The following KIAA0825 variants were observed in gnomAD, a reference collection of about 807,000 sequenced individuals.
KIAA0825 encodes the protein uncharacterized protein KIAA0825.
Under a neutral mutation model 147.6 loss-of-function variants are expected in KIAA0825, and 119 were observed. The observed-to-expected ratio is 0.81, with a 90% CI of 0.69 to 0.94. The LOEUF (loss-of-function observed/expected upper bound fraction) is 0.94. KIAA0825 is among the 40% of genes least tolerant of loss of function. The probability of loss-of-function intolerance (pLI) is 0.00; values close to 1 mark genes in which losing one functional copy is unlikely to be tolerated. For synonymous variants in KIAA0825, 470 were observed against 518.1 expected, an observed-to-expected ratio of 0.91 and a Z score of 1.26; for missense variants, 1,381 against 1,472.7, an observed-to-expected ratio of 0.94 and a Z score of 1.02.
At chr5:94,582,196 C>T (rs1281275193) in intron 2 of KIAA0825, among the ~76,000 whole-genome samples, 3 of 152,084 alleles carry the variant, frequency 2.0e-5, no homozygotes, top group African/African-American at 2.4e-5. Flanking sequence ...AGAGAGATGC[C>T]GGTGGCCCTG....
intron 2 of KIAA0825, among the ~76,000 whole-genome samples, chr5:94,538,847 A>C (rs1772677575): frequency 6.6e-6 from 1 of 152,190 alleles, no homozygotes; most frequent in Non-Finnish European, 1.5e-5. Flanking sequence ...AGGATTTGTG[A>C]ACAGAAGCAA....
intron 20 of KIAA0825, among the ~76,000 whole-genome samples, chr5:94,271,806 A>T (rs1056412548): frequency 6.6e-6 from 1 of 151,786 alleles, no homozygotes; most frequent in Non-Finnish European, 1.5e-5. Context: ...CAACAATCCC[A>T]CTCCAAGGTA....
chr5:94,315,051 A>G (rs1047513595), intron 20 of KIAA0825, among the ~76,000 whole-genome samples: 1 of 151,678 alleles, frequency 6.6e-6, no homozygotes, highest in South Asian at 2.1e-4. Flanking sequence ...CTCTTGAAAA[A>G]TATTTTTATT....
chr5:94,425,373 A>G (rs1339284510), intron 14 of KIAA0825, among the ~76,000 whole-genome samples: 1 of 152,246 alleles, frequency 6.6e-6, no homozygotes. Context: ...AGCAGAATGA[A>G]GAAGAAAAAC....
chr5:94,198,902 T>C (rs1771397998), intron 20 of KIAA0825, among the ~76,000 whole-genome samples: 1 of 152,236 alleles, frequency 6.6e-6, no homozygotes, highest in Non-Finnish European at 1.5e-5. Flanking sequence ...TTCCAGAAGT[T>C]CAATTTGGTT....
intron 5 of KIAA0825, among the ~76,000 whole-genome samples, chr5:94,515,277 G>A: frequency 6.6e-6 from 1 of 152,222 alleles, no homozygotes; most frequent in East Asian, 1.9e-4. Context: ...ATAGTAAAAT[G>A]TTACAATATA....
At chr5:94,384,736 C>T (rs149413650) in intron 19 of KIAA0825, among the ~76,000 whole-genome samples, 244 of 152,122 alleles carry the variant, frequency 1.6e-3, no homozygotes, top group African/African-American at 5.5e-3. Context: ...TGGCATTTGC[C>T]CAGCAAGTTT....
intron 12 of KIAA0825, 70 bp downstream of exon 12, chr5:94,462,317 T>C: frequency 1.3e-6 from 1 of 793,898 alleles, no homozygotes. Flanking sequence ...ATTCCATAAG[T>C]GTTATGAAAA....
intron 20 of KIAA0825, among the ~76,000 whole-genome samples, chr5:94,381,325 G>A (rs1367481242): frequency 1.3e-5 from 2 of 152,136 alleles, no homozygotes; most frequent in East Asian, 3.9e-4. Flanking sequence ...CTCTGTGTCT[G>A]TGGGTTCTGC....
chr5:94,395,800 A>AATTTC (rs1348215350), intron 17 of KIAA0825, among the ~76,000 whole-genome samples: 2 of 152,136 alleles, frequency 1.3e-5, no homozygotes, highest in Non-Finnish European at 2.9e-5. Flanking sequence ...GCACACTGAA[A>AATTTC]AGGGGTGAAA....
chr5:94,367,929 A>C (rs1020836956), intron 20 of KIAA0825, among the ~76,000 whole-genome samples: 1 of 152,264 alleles, frequency 6.6e-6, no homozygotes, highest in Non-Finnish European at 1.5e-5. Flanking sequence ...ACAGGAATAG[A>C]GAAATGATTA....
chr5:94,589,587 T>G (rs1267032582), intron 1 of KIAA0825, among the ~76,000 whole-genome samples: 1 of 152,162 alleles, frequency 6.6e-6, no homozygotes, highest in Admixed American at 6.6e-5. Flanking sequence ...AAAATAACGC[T>G]CTATTACTTT....
intron 20 of KIAA0825, among the ~76,000 whole-genome samples, chr5:94,381,001 T>C (rs1231648575): frequency 6.6e-6 from 1 of 152,220 alleles, no homozygotes; most frequent in Non-Finnish European, 1.5e-5. Context: ...CTTTCATGTG[T>C]CTGAGCGGTC....
chr5:94,512,041 ATGC>A (rs1276151048), intron 5 of KIAA0825, among the ~76,000 whole-genome samples: 1 of 152,072 alleles, frequency 6.6e-6, no homozygotes, highest in Admixed American at 6.5e-5. Flanking sequence ...TATAAATGTG[ATGC>A]TGATGGTAGA....
At chr5:94,330,081 G>A (rs1781114336) in intron 20 of KIAA0825, among the ~76,000 whole-genome samples, 1 of 152,114 alleles carries the variant, frequency 6.6e-6, no homozygotes, top group South Asian at 2.1e-4. Context: ...TCAGTATCCT[G>A]ATTTGATCAC....
At chr5:94,265,149 A>G (rs1413766250) in intron 20 of KIAA0825, among the ~76,000 whole-genome samples, 1 of 152,202 alleles carries the variant, frequency 6.6e-6, no homozygotes, top group African/African-American at 2.4e-5. Flanking sequence ...CTTGCCTACA[A>G]AAATAACAAT....
chr5:94,413,499 C>A (rs1753040200), intron 15 of KIAA0825: 1 of 152,124 alleles, frequency 6.6e-6, no homozygotes, highest in Non-Finnish European at 1.5e-5. Flanking sequence ...ATAAAATTAT[C>A]AAAAACATTA....
chr5:94,245,721 A>G (rs183848984), intron 20 of KIAA0825, among the ~76,000 whole-genome samples: 2 of 152,218 alleles, frequency 1.3e-5, no homozygotes, highest in Admixed American at 6.5e-5. Context: ...AAAACTTAAT[A>G]TGACTGATAT....
intron 20 of KIAA0825, among the ~76,000 whole-genome samples, chr5:94,284,187 C>T (rs188421538): frequency 9.9e-5 from 15 of 152,184 alleles, no homozygotes; most frequent in African/African-American, 3.6e-4. Context: ...TGATATTTTC[C>T]TCTTCTTGGA....
Sources: allele counts gnomAD v4.1 joint callset (sites outside exome capture counted in the v4.1 genomes callset), GRCh38; gene constraint gnomAD v4.1.1; transcripts MANE v1.5; gene names NCBI Gene and HGNC (gene_info 2026-07-23, HGNC 2026-07-21).